TMEM164: variants seen among roughly 807,000 people sequenced by gnomAD.
TMEM164 encodes the protein RP13-360B22.2.
In TMEM164, 4 loss-of-function variants were observed where a neutral mutation model predicts 18.8. That is an observed-to-expected ratio of 0.21 (90% CI 0.10 to 0.49). TMEM164 has a LOEUF of 0.49. TMEM164 is among the 20% of genes least tolerant of loss of function. The pLI, the probability that TMEM164 is intolerant of heterozygous loss-of-function variation, is 0.98. For synonymous variants in TMEM164, 86 were observed against 101.7 expected, an observed-to-expected ratio of 0.85 and a Z score of 0.93; for missense variants, 108 against 239.9, an observed-to-expected ratio of 0.45 and a Z score of 3.63.
intron 3 of TMEM164, among the ~76,000 whole-genome samples, chrX:110,084,982 G>T (rs2065829554): frequency 9.1e-6 from 1 of 110,085 alleles, no homozygotes; most frequent in African/African-American, 3.3e-5. Context: ...TTTTATTCTA[G>T]TGGCTTTCTA....
intron 4 of TMEM164, among the ~76,000 whole-genome samples, chrX:110,115,454 T>C (rs1403419928): frequency 8.9e-6 from 1 of 111,933 alleles, no homozygotes; most frequent in Non-Finnish European, 1.9e-5. Flanking sequence ...ATCAGATGAA[T>C]GCATTGTGTC....
At chrX:110,088,687 G>A (rs901072398) in intron 3 of TMEM164, among the ~76,000 whole-genome samples, 1 of 111,783 alleles carries the variant, frequency 8.9e-6, no homozygotes, top group Non-Finnish European at 1.9e-5. Context: ...ATGCTTTGGG[G>A]TTGTTCACAG....
At chrX:110,017,222 C>A (rs1489109379) in intron 2 of TMEM164, among the ~76,000 whole-genome samples, 1 of 111,950 alleles carries the variant, frequency 8.9e-6, no homozygotes, top group Non-Finnish European at 1.9e-5. Flanking sequence ...CTCCTGACTC[C>A]CATTTCAATA....
rs922286208 is a variant in TMEM164, at chrX:110,025,592, T to G, written c.390+21428T>G. 1.8e-5 allele frequency among the ~76,000 whole-genome samples: 2 copies of G among 112,357 alleles called. 1 individual carries two copies. The highest frequency in any genetic ancestry group is 3.8e-5 in the Non-Finnish European group (2 of 53,286). On this transcript the variant is annotated intron_variant, in intron 2 of 6. Transcript: ENST00000372068. ...AAGAGTGAGTGAGATGAGGCCACAG[T>G]GTGGCAGTATTTGTTTTGTTTGTTT...
chrX:110,152,488 T>A (rs1448551217), intron 5 of TMEM164, among the ~76,000 whole-genome samples: 1 of 111,886 alleles, frequency 8.9e-6, no homozygotes, highest in African/African-American at 3.3e-5. Flanking sequence ...ATAGTTCCTT[T>A]TATTATTATT....
At chrX:110,049,546 G>A (rs954315361) in intron 2 of TMEM164, among the ~76,000 whole-genome samples, 2 of 111,319 alleles carry the variant, frequency 1.8e-5, no homozygotes, top group Admixed American at 1.9e-4. Context: ...TGGAGCTCAG[G>A]TGATGATGCT....
intron 2 of TMEM164, among the ~76,000 whole-genome samples, chrX:110,066,055 T>C (rs1326229296): frequency 8.9e-6 from 1 of 112,095 alleles, no homozygotes; most frequent in Non-Finnish European, 1.9e-5. Flanking sequence ...TGATGAGGTA[T>C]CATGCAGGTG....
intron 4 of TMEM164, among the ~76,000 whole-genome samples, chrX:110,127,513 CAAACAAAACA>C (rs753725085): frequency 7.2e-5 from 8 of 111,716 alleles, no homozygotes; most frequent in East Asian, 5.6e-4. Flanking sequence ...AACTCCGTCT[CAAACAAAACA>C]AAACAAAACA....
At chrX:110,012,523 C>T (rs1933066145) in intron 2 of TMEM164, among the ~76,000 whole-genome samples, 1 of 112,089 alleles carries the variant, frequency 8.9e-6, no homozygotes, top group African/African-American at 3.2e-5. Context: ...AAGCAGATGT[C>T]CTTTCTCATG....
intron 5 of TMEM164, among the ~76,000 whole-genome samples, chrX:110,153,200 G>A (rs186722342): frequency 4.5e-5 from 5 of 111,771 alleles, no homozygotes; most frequent in African/African-American, 6.5e-5. Context: ...CCCAGCTCCC[G>A]CCAGCTGCCT....
intron 4 of TMEM164, among the ~76,000 whole-genome samples, chrX:110,128,017 G>A (rs2066559705): frequency 8.9e-6 from 1 of 112,454 alleles, no homozygotes; most frequent in Non-Finnish European, 1.9e-5. Context: ...ATTCAGACTG[G>A]CATGGATGCA....
intron 2 of TMEM164, among the ~76,000 whole-genome samples, chrX:110,039,307 G>A (rs1934988477): frequency 8.9e-6 from 1 of 112,516 alleles, no homozygotes; most frequent in African/African-American, 3.2e-5. Flanking sequence ...CCTTCCTGAA[G>A]CTGAAGATAT....
intron 6 of TMEM164, among the ~76,000 whole-genome samples, chrX:110,172,657 G>A (rs1569361978): frequency 9.0e-6 from 1 of 111,619 alleles, no homozygotes; most frequent in Non-Finnish European, 1.9e-5. Context: ...CTCAGGCAAC[G>A]CCTCCTACAA....
intron 3 of TMEM164, among the ~76,000 whole-genome samples, chrX:110,094,997 A>T (rs1437537160): frequency 4.5e-5 from 5 of 111,785 alleles, no homozygotes; most frequent in African/African-American, 1.6e-4. Context: ...AAGAATGTTG[A>T]ATATTGGCCC....
In TMEM164 at chrX:110,171,534, T is replaced by C. The variant is rs199974246; in HGVS notation, c.687+14T>C. 7.4e-6 allele frequency: 8 copies of C among 1,080,277 alleles called. No individual in the cohort carries two copies. The East Asian group carries it at 2.4e-4, about 32-fold the overall frequency. The allele number at this position is 1,080,277 out of a possible 1,213,427, so 89.0% of individuals were successfully genotyped here. On this transcript the variant is annotated intron_variant, in intron 6 of 6. Transcript: ENST00000372068. ...ATCCTCGGCCTGGTAAGTTTGGTTATATCCCCTTCTATCCCCTCTGTTTGC... is the reference window on the plus strand; with the variant it reads ...ATCCTCGGCCTGGTAAGTTTGGTTACATCCCCTTCTATCCCCTCTGTTTGC...
chrX:110,068,224 G>A (rs1362745156), intron 3 of TMEM164, among the ~76,000 whole-genome samples: 1 of 112,263 alleles, frequency 8.9e-6, no homozygotes, highest in East Asian at 2.8e-4. Flanking sequence ...TCATTAAAGT[G>A]TTAGGTAGGG....
intron 4 of TMEM164, among the ~76,000 whole-genome samples, chrX:110,127,262 C>G (rs779401943): frequency 9.0e-6 from 1 of 111,568 alleles, no homozygotes; most frequent in African/African-American, 3.3e-5. Context: ...CCTGTAATCC[C>G]AGCACTTTGA....
chrX:110,138,415 G>T (rs2066721058), intron 4 of TMEM164, among the ~76,000 whole-genome samples: 1 of 112,173 alleles, frequency 8.9e-6, no homozygotes, highest in East Asian at 2.8e-4. Context: ...CTCCAGGCTG[G>T]AGATACCGAT....
In TMEM164 at chrX:110,119,654, A is replaced by C. The variant is rs757563763; in HGVS notation, c.507+10508A>C. Among the ~76,000 whole-genome samples, 8 of 111,617 alleles carry C rather than the reference A, an allele frequency of 7.2e-5. No individual in the cohort carries two copies. In the South Asian group the frequency reaches 3.0e-3, roughly 42 times the overall value. ...ACCTGCAGCTGTGTGACCTTGGGTA[A>C]GATACCTAACCTTGCTGACCTAATT... On this transcript the variant is annotated intron_variant, in intron 4 of 6. Transcript: ENST00000372068.
Sources: gnomAD v4.1 joint callset for allele counts (sites outside exome capture counted in the v4.1 genomes callset) on GRCh38, gnomAD v4.1.1 for gene constraint, MANE v1.5 for transcripts, NCBI Gene and HGNC (gene_info 2026-07-23, HGNC 2026-07-21) for gene names.